The following C21orf91 variants were observed in gnomAD, a reference collection of about 807,000 sequenced individuals.
C21orf91 encodes the protein chromosome 21 open reading frame 91, also known as protein EURL homolog.
In C21orf91, 26 loss-of-function variants were observed where a neutral mutation model predicts 32.9. That is an observed-to-expected ratio of 0.79 (90% CI 0.58 to 1.10). The LOEUF is 1.10. Among genes scored for constraint, C21orf91 ranks in the 50% least tolerant of loss-of-function variants. The probability of loss-of-function intolerance (pLI) is 0.00; values close to 1 mark genes in which losing one functional copy is unlikely to be tolerated. For synonymous variants in C21orf91, 126 were observed against 120.4 expected, an observed-to-expected ratio of 1.05 and a Z score of -0.31; for missense variants, 310 against 341.3, an observed-to-expected ratio of 0.91 and a Z score of 0.72.
Position 17,791,197 on chromosome 21 carries a change from A to ACTT in C21orf91, c.*2215_*2217dup. On this transcript the variant is annotated 3_prime_UTR_variant, in exon 5 of 5. Coordinates refer to ENST00000284881, the MANE Select transcript of C21orf91 (RefSeq NM_001100420.2). ...ATTTGGATAAACTGCTGTGCAAAAT[A>ACTT]CTTCAACAAAAAGTTTTTTTTACTA... The ACTT allele has an allele frequency of 6.6e-6, 1 of 152,284 alleles. No individual in the cohort carries two copies. Among genetic ancestry groups the ACTT allele is most frequent in the South Asian group, 2.1e-4 (1 of 4,834 alleles). 9.4% of individuals were successfully genotyped at this position (152,284 alleles called of 1,614,324 possible). A position where few individuals can be genotyped will look rare whatever the true frequency, so the allele number is the denominator to read the frequency against.
chr21:17,815,188 A>T (rs1308835931), intron 2 of C21orf91, among the ~76,000 whole-genome samples: 1 of 152,150 alleles, frequency 6.6e-6, no homozygotes, highest in Non-Finnish European at 1.5e-5. Flanking sequence ...GATTTGATGT[A>T]AGCAACAATC....
intron 4 of C21orf91, 102 bp from the exon 5 acceptor site, chr21:17,793,683 TCA>T: frequency 1.4e-6 from 1 of 728,156 alleles, no homozygotes. Context: ...GGGCAAAGTG[TCA>T]CAATGAAACT....
rs2062490400 is a variant in C21orf91 at position 17,793,171 on chromosome 21, C to G, written c.*244G>C. On this transcript the variant is annotated 3_prime_UTR_variant, in exon 5 of 5. Coordinates refer to ENST00000284881, the MANE Select transcript of C21orf91 (RefSeq NM_001100420.2). ...CTGTAACAGTATATTTAAGTAGTCA[C>G]ATGTGATAAAATTTGTTTAGTAATT... 6.8e-6 allele frequency: 2 copies of G among 293,274 alleles called. No individual in the cohort carries two copies. The highest frequency in any genetic ancestry group is 9.6e-5 in the Admixed American group (2 of 20,896). The allele number at this position is 293,274 out of a possible 1,614,324, so 18.2% of individuals were successfully genotyped here. A position where few individuals can be genotyped will look rare whatever the true frequency, so the allele number is the denominator to read the frequency against.
At position 17,796,683 on chromosome 21, in the gene C21orf91, A is replaced by G. The variant is rs1421444879; in HGVS notation, c.563T>C (p.Leu188Ser). The part of the protein sequence containing the change: ...SGATLCRNSV[L>S]WPHSHNQAQK... ...TGCCTGGTTGTGACTATGAGGCCAC[A>G]ATACACTGTTACGACATAAAGTGGC... The change falls in exon 3 of 5, where the codon TTG becomes TCG. Residue 188 changes from leucine to serine, a missense_variant. By Grantham distance (145) the Leu-to-Ser change is moderately radical. Coordinates refer to ENST00000284881, the MANE Select transcript of C21orf91 (RefSeq NM_001100420.2). 5 of 1,613,934 alleles carry G rather than the reference A, an allele frequency of 3.1e-6. No individual in the cohort carries two copies. The South Asian group carries it at 3.3e-5, about 11-fold the overall frequency.
intron 2 of C21orf91, among the ~76,000 whole-genome samples, chr21:17,806,802 T>C (rs564038064): frequency 6.6e-6 from 1 of 152,052 alleles, no homozygotes; most frequent in South Asian, 2.1e-4. Context: ...ATCCTGTCAC[T>C]GCACTCCAGC....
Position 17,796,854 on chromosome 21 carries a change from A to G in C21orf91, c.392T>C (p.Leu131Ser). Residue 131 changes from leucine (L) to serine (S), a missense_variant, in exon 3 of 5, where the codon TTA (leucine) becomes TCA (serine). Transcript: ENST00000284881. ...FNFRHKPEEKLLPQFDSQVPK... is the reference protein window; with the variant it reads ...FNFRHKPEEKSLPQFDSQVPK... ...TACTTGGGAGTCAAACTGTGGGAGT[A>G]ATTTTTCTTCTGGCTTATGCCTGAA... 6.2e-7 allele frequency: 1 copy of G among 1,613,980 alleles called. No homozygotes were observed. The highest frequency in any genetic ancestry group is 8.5e-7 in the Non-Finnish European group (1 of 1,179,968).
chr21:17,818,276 C>T lies in C21orf91; in HGVS notation c.43G>A (p.Asp15Asn), dbSNP rs866334228. 6.2e-7 allele frequency: 1 copy of T among 1,611,820 alleles called. No individual in the cohort carries two copies. The highest frequency in any genetic ancestry group is 1.1e-5 in the South Asian group (1 of 90,988). ...EQFVNIDLNDDNICSVCKLGT... is the reference protein window; with the variant it reads ...EQFVNIDLNDNNICSVCKLGT... ...AGTTTACAAACACTGCAAATGTTGT[C>T]ATCATTCAAATCAATGTTTACAAAC... The change falls in exon 2 of 5, where the codon GAC becomes AAC. Residue 15 changes from aspartate (D) to asparagine (N), a missense_variant. Coordinates refer to ENST00000284881, the MANE Select transcript of C21orf91 (RefSeq NM_001100420.2).
chr21:17,798,915 C>T (rs1026093517), intron 2 of C21orf91, among the ~76,000 whole-genome samples: 1 of 152,174 alleles, frequency 6.6e-6, no homozygotes, highest in Non-Finnish European at 1.5e-5. Context: ...GCAGAGAGAA[C>T]CTGAAGCTTG....
At chr21:17,805,174 A>T (rs1687332716) in intron 2 of C21orf91, among the ~76,000 whole-genome samples, 1 of 152,224 alleles carries the variant, frequency 6.6e-6, no homozygotes, top group South Asian at 2.1e-4. Context: ...TAAAGTTTTA[A>T]TTTTAATTTA....
chr21:17,803,063 G>A (rs898063248), intron 2 of C21orf91, among the ~76,000 whole-genome samples: 1 of 152,158 alleles, frequency 6.6e-6, no homozygotes, highest in Non-Finnish European at 1.5e-5. Flanking sequence ...AGGGAACTGG[G>A]AGTATGGGTT....
chr21:17,804,755 T>C (rs758188698), intron 2 of C21orf91, among the ~76,000 whole-genome samples: 22 of 152,194 alleles, frequency 1.4e-4, no homozygotes, highest in Non-Finnish European at 2.8e-4. Context: ...AATAAATGAA[T>C]TGTAAAGGAA....
chr21:17,794,649 CA>C (rs1568748280), intron 4 of C21orf91, among the ~76,000 whole-genome samples: 1 of 152,052 alleles, frequency 6.6e-6, no homozygotes, highest in Non-Finnish European at 1.5e-5. Context: ...TATAATTTAA[CA>C]AAAAAGACTA....
At chr21:17,808,057 A>G (rs2062609756) in intron 2 of C21orf91, among the ~76,000 whole-genome samples, 1 of 152,208 alleles carries the variant, frequency 6.6e-6, no homozygotes, top group African/African-American at 2.4e-5. Flanking sequence ...AAATGCCTTG[A>G]AGGCATTTCA....
At chr21:17,805,008 T>G (rs892172586) in intron 2 of C21orf91, among the ~76,000 whole-genome samples, 11 of 152,190 alleles carry the variant, frequency 7.2e-5, no homozygotes, top group African/African-American at 2.7e-4. Context: ...TCAATTCTAC[T>G]CCTTAATGTA....
intron 2 of C21orf91, among the ~76,000 whole-genome samples, chr21:17,799,025 G>A (rs753058259): frequency 1.3e-5 from 2 of 152,116 alleles, no homozygotes; most frequent in African/African-American, 2.4e-5. Flanking sequence ...CCTCAAAACC[G>A]TAAATGGTCT....
chr21:17,801,997 A>T (rs1211660314), intron 2 of C21orf91, among the ~76,000 whole-genome samples: 10 of 152,064 alleles, frequency 6.6e-5, no homozygotes, highest in Non-Finnish European at 1.5e-5. Context: ...TTATACTATT[A>T]TTCTGTACTT....
rs963424269 is a variant in C21orf91 at position 17,810,557 on chromosome 21, T to C, written c.127+7635A>G. On this transcript the variant is annotated intron_variant, in intron 2 of 4. Transcript: ENST00000284881. The stretch of plus-strand genomic sequence containing the variant: ...AGGGAGCTGCTATGCAATTTCAGGA[T>C]TGGTGCCGACATCTTCACCTGTGCT... 40 of 152,214 alleles carry C rather than the reference T, an allele frequency of 2.6e-4. 1 individual carries two copies. Among genetic ancestry groups the C allele is most frequent in the African/African-American group, 8.7e-4 (36 of 41,452 alleles). 9.4% of individuals were successfully genotyped at this position (152,214 alleles called of 1,614,324 possible). A position where few individuals can be genotyped will look rare whatever the true frequency, so the allele number is the denominator to read the frequency against.
At chr21:17,806,905 A>G (rs529239452) in intron 2 of C21orf91, among the ~76,000 whole-genome samples, 1 of 152,272 alleles carries the variant, frequency 6.6e-6, no homozygotes, top group African/African-American at 2.4e-5. Flanking sequence ...TAGAAAAGAC[A>G]GAGGCTGTAA....
At position 17,796,868 on chromosome 21, in the gene C21orf91, C is replaced by T. The variant is rs746133121; in HGVS notation, c.378G>A (p.Lys126=). The change falls in exon 3 of 5, where the codon AAG becomes AAA. Residue 126 remains lysine, a synonymous_variant. Transcript: ENST00000284881. The stretch of plus-strand genomic sequence containing the variant: ...ACTGTGGGAGTAATTTTTCTTCTGG[C>T]TTATGCCTGAAATTAAACAGATGAT... ...PQHHLFNFRH[K]PEEKLLPQFD... 1.2e-6 allele frequency: 2 copies of T among 1,613,882 alleles called. No homozygotes were observed. Among genetic ancestry groups the T allele is most frequent in the East Asian group, 2.2e-5 (1 of 44,876 alleles).
Sources: gnomAD v4.1 joint callset for allele counts (sites outside exome capture counted in the v4.1 genomes callset) on GRCh38, gnomAD v4.1.1 for gene constraint, MANE v1.5 for transcripts, NCBI Gene and HGNC (gene_info 2026-07-23, HGNC 2026-07-21) for gene names.